The following IL19 variants were observed in gnomAD, a reference collection of about 807,000 sequenced individuals.
The protein encoded by IL19 is interleukin-19.
Under a neutral mutation model 19.5 loss-of-function variants are expected in IL19, and 15 were observed. The observed-to-expected ratio is 0.77, with a 90% CI of 0.52 to 1.19. The LOEUF is 1.19. IL19 is among the 50% of genes most tolerant of loss of function. The pLI is 0.00. For missense variants in IL19, 199 were observed against 213.1 expected (o/e 0.93, Z 0.41); for synonymous variants, 78 against 78.3 (o/e 1.00, Z 0.02).
At chr1:206,795,010 C>T (rs796138839) in intron 1 of IL19, among the ~76,000 whole-genome samples, 16 of 152,372 alleles carry the variant, frequency 1.1e-4, no homozygotes, top group African/African-American at 3.8e-4. Flanking sequence ...CAAACACTTC[C>T]TCCATTTCCC....
intron 2 of IL19, among the ~76,000 whole-genome samples, chr1:206,831,521 A>T (rs1676609316): frequency 6.6e-6 from 1 of 152,188 alleles, no homozygotes; most frequent in Non-Finnish European, 1.5e-5. Flanking sequence ...GATGAAGAGA[A>T]CTTATTTCTT....
chr1:206,811,525 G>T (rs777826952), intron 2 of IL19, among the ~76,000 whole-genome samples: 15 of 151,378 alleles, frequency 9.9e-5, no homozygotes, highest in Non-Finnish European at 1.9e-4. Flanking sequence ...GCCAGTTCCA[G>T]ACTTAGAATC....
chr1:206,842,486 A>G (rs1383345547), intron 6 of IL19, 41 bp from the exon 7 acceptor site: 6 of 1,198,152 alleles, frequency 5.0e-6, no homozygotes, highest in African/African-American at 1.5e-5. Context: ...ACCATTACAC[A>G]GTCTAGAAAG....
At chr1:206,815,269 A>T (rs542854684) in intron 2 of IL19, among the ~76,000 whole-genome samples, 106 of 152,338 alleles carry the variant, frequency 7.0e-4, no homozygotes, top group African/African-American at 2.4e-3. Flanking sequence ...GACCAAAAAA[A>T]CTTGGTTCTG....
intron 1 of IL19, among the ~76,000 whole-genome samples, chr1:206,790,571 T>G (rs1479672224): frequency 6.6e-6 from 1 of 152,234 alleles, no homozygotes; most frequent in East Asian, 1.9e-4. Context: ...GCCAACGGCC[T>G]GTGTCAGAGC....
chr1:206,798,397 A>G (rs1384540726), intron 1 of IL19, among the ~76,000 whole-genome samples: 1 of 152,186 alleles, frequency 6.6e-6, no homozygotes, highest in Non-Finnish European at 1.5e-5. Flanking sequence ...ATTTGTATAG[A>G]AATGACAAGG....
chr1:206,831,080 A>T (rs1277929650), intron 2 of IL19, among the ~76,000 whole-genome samples: 1 of 152,146 alleles, frequency 6.6e-6, no homozygotes, highest in Non-Finnish European at 1.5e-5. Context: ...TACCCTCTGG[A>T]ATTATGCAAT....
intron 1 of IL19, among the ~76,000 whole-genome samples, chr1:206,774,132 C>T (rs961965120): frequency 2.0e-5 from 3 of 152,176 alleles, no homozygotes; most frequent in Non-Finnish European, 2.9e-5. Context: ...GCCCAGCCAG[C>T]GTGAAGTGAG....
At chr1:206,815,401 G>A (rs1405471333) in intron 2 of IL19, among the ~76,000 whole-genome samples, 1 of 152,110 alleles carries the variant, frequency 6.6e-6, no homozygotes, top group Non-Finnish European at 1.5e-5. Flanking sequence ...GGCCACAGAG[G>A]AAATAATTAG....
At chr1:206,839,751 G>C (rs887503173) in intron 4 of IL19, 99 bp from the exon 5 acceptor site, 1 of 1,043,680 alleles carries the variant, frequency 9.6e-7, no homozygotes, top group African/African-American at 1.6e-5. Context: ...ATGACTTTTA[G>C]TTCTCTCATG....
Position 206,798,807 on chromosome 1 carries a change from A to G in IL19, c.-148-54A>G, listed in dbSNP as rs1572553593. 2.2e-5 allele frequency: 21 copies of G among 948,760 alleles called. No homozygotes were observed. The East Asian group carries it at 5.0e-4, about 23-fold the overall frequency. The allele number at this position is 948,760 out of a possible 1,614,324, so 58.8% of individuals were successfully genotyped here. A position where few individuals can be genotyped will look rare whatever the true frequency, so the allele number is the denominator to read the frequency against. On this transcript the variant is annotated intron_variant, in intron 1 of 6. Coordinates refer to ENST00000659997, the MANE Select transcript of IL19 (RefSeq NM_153758.5). ...TGCCGACCTCAAAGCCACCAGAAGG[A>G]GGGAGCTGAGTGTACCTTTTTGTAA...
intron 2 of IL19, among the ~76,000 whole-genome samples, chr1:206,799,610 C>G (rs922687318): frequency 6.6e-6 from 1 of 152,224 alleles, no homozygotes; most frequent in Non-Finnish European, 1.5e-5. Flanking sequence ...GGCTACCAGT[C>G]TTTAATTCAA....
At chr1:206,793,228 T>G (rs1235658751) in intron 1 of IL19, among the ~76,000 whole-genome samples, 6 of 152,248 alleles carry the variant, frequency 3.9e-5, no homozygotes, top group Non-Finnish European at 8.8e-5. Flanking sequence ...TTCTGACATT[T>G]CAGTCTCTTC....
At position 206,770,984 on chromosome 1, in the gene IL19, G is replaced by T. The variant is rs777582308; in HGVS notation, c.-243G>T. On this transcript the variant is annotated 5_prime_UTR_variant, in exon 1 of 7. Coordinates refer to ENST00000659997, the MANE Select transcript of IL19 (RefSeq NM_153758.5). The stretch of plus-strand genomic sequence containing the variant: ...ACATGCGCCTTGATGTCTGGGTCTT[G>T]GTTCTCAGCTTGGGGCATCACCTCC... The T allele has an allele frequency of 1.9e-6, 3 of 1,614,104 alleles. No individual in the cohort carries two copies. Among genetic ancestry groups the T allele is most frequent in the Non-Finnish European group, 1.7e-6 (2 of 1,179,972 alleles).
rs2243180 is a variant in IL19 at position 206,840,063 on chromosome 1, A to T, written c.363+61A>T. On this transcript the variant is annotated intron_variant, in intron 5 of 6. Transcript: ENST00000659997. The stretch of plus-strand genomic sequence containing the variant: ...CTGTCTGCCCAAGGAGAGGCCAGGA[A>T]GTGCTGGCCCCCATCGGCCTCCTGA... 5.7e-4 allele frequency: 904 copies of T among 1,576,058 alleles called. 4 individuals carry two copies. In the African/African-American group the frequency reaches 0.01, roughly 18 times the overall value.
At chr1:206,797,157 A>G (rs1001339186) in intron 1 of IL19, among the ~76,000 whole-genome samples, 2 of 152,178 alleles carry the variant, frequency 1.3e-5, no homozygotes, top group Non-Finnish European at 1.5e-5. Context: ...TGGCTTTTGC[A>G]TGGTCAAGTT....
At position 206,838,536 on chromosome 1, in the gene IL19, AG is replaced by A. The variant is rs1455494246; in HGVS notation, c.211-1313del. On this transcript the variant is annotated intron_variant, in intron 4 of 6. Transcript: ENST00000659997. ...ATATGACAGCTAGAAGGGACCCAAA[AG>A]ACCATCTATTCCAAAACCATCATTT... Among the ~76,000 whole-genome samples, 4 of 152,210 alleles carry A rather than the reference AG, an allele frequency of 2.6e-5. No individual in the cohort carries two copies. The East Asian group carries it at 7.7e-4, about 29-fold the overall frequency.
intron 1 of IL19, among the ~76,000 whole-genome samples, chr1:206,791,634 G>A (rs1001402354): frequency 6.6e-6 from 1 of 152,156 alleles, no homozygotes; most frequent in African/African-American, 2.4e-5. Context: ...TCTGCACACT[G>A]TGCTCAGTCC....
At chr1:206,792,525 T>C (rs1477706549) in intron 1 of IL19, among the ~76,000 whole-genome samples, 1 of 152,146 alleles carries the variant, frequency 6.6e-6, no homozygotes, top group African/African-American at 2.4e-5. Flanking sequence ...TGCATGATCT[T>C]GGCTCACTGC....
Sources: allele counts gnomAD v4.1 joint callset (sites outside exome capture counted in the v4.1 genomes callset), GRCh38; gene constraint gnomAD v4.1.1; transcripts MANE v1.5; gene names NCBI Gene and HGNC (gene_info 2026-07-23, HGNC 2026-07-21).